APBA1: variants seen among roughly 807,000 people sequenced by gnomAD.
APBA1 encodes amyloid-beta A4 precursor protein-binding family A member 1.
In APBA1, 55 loss-of-function variants were observed where a neutral mutation model predicts 86.6. The ratio of observed to expected loss-of-function variants is 0.64; its 90% CI spans 0.51 to 0.80. The LOEUF (loss-of-function observed/expected upper bound fraction) is 0.80, where lower values mean the gene tolerates loss of function less well. APBA1 is among the 30% of genes least tolerant of loss of function. The pLI, the probability that APBA1 is intolerant of heterozygous loss-of-function variation, is 0.00. For missense variants in APBA1, 1,090 were observed against 1,183.0 expected (o/e 0.92, Z 1.15); for synonymous variants, 511 against 493.9 (o/e 1.03, Z -0.46).
chr9:69,557,505 C>G (rs532684623), intron 1 of APBA1, among the ~76,000 whole-genome samples: 2 of 152,190 alleles, frequency 1.3e-5, no homozygotes, highest in African/African-American at 2.4e-5. Flanking sequence ...TCACCCGCTC[C>G]CTCCTGCTGC....
intron 1 of APBA1, among the ~76,000 whole-genome samples, chr9:69,554,131 A>T (rs1245525337): frequency 1.3e-5 from 2 of 152,212 alleles, no homozygotes; most frequent in African/African-American, 4.8e-5. Context: ...CAACATATTC[A>T]AATACCTACT....
chr9:69,475,715 G>A (rs149305300), intron 3 of APBA1, among the ~76,000 whole-genome samples: 2 of 152,372 alleles, frequency 1.3e-5, no homozygotes, highest in East Asian at 3.8e-4. Context: ...CGAGTTTTTG[G>A]TGTCTGAGGT....
intron 1 of APBA1, 81 bp from the exon 2 acceptor site, chr9:69,517,360 A>G (rs1836184945): frequency 7.8e-7 from 1 of 1,276,788 alleles, no homozygotes; most frequent in African/African-American, 1.6e-5. Context: ...CCATAAAAAC[A>G]ACTGCTATTG....
At chr9:69,565,573 G>A (rs369077929) in intron 1 of APBA1, among the ~76,000 whole-genome samples, 5 of 151,972 alleles carry the variant, frequency 3.3e-5, no homozygotes, top group Admixed American at 6.5e-5. Context: ...TACTCCCATC[G>A]CATTTCTCTT....
chr9:69,632,044 T>A (rs1823057585), intron 1 of APBA1, among the ~76,000 whole-genome samples: 1 of 148,636 alleles, frequency 6.7e-6, no homozygotes, highest in African/African-American at 2.5e-5. Context: ...ACTTAAAGTA[T>A]AATAAAAAAT....
intron 1 of APBA1, among the ~76,000 whole-genome samples, chr9:69,640,907 AGGAGAGG>A (rs545382678): frequency 7.0e-4 from 105 of 149,694 alleles, no homozygotes; most frequent in South Asian, 1.6e-3. Flanking sequence ...ATAAGGAAAG[AGGAGAGG>A]GGAGAGGGGA....
chr9:69,627,487 A>G (rs1377255447), intron 1 of APBA1, among the ~76,000 whole-genome samples: 1 of 151,914 alleles, frequency 6.6e-6, no homozygotes, highest in Non-Finnish European at 1.5e-5. Context: ...GTTCATCTGG[A>G]CCAGTTCCCA....
Position 69,516,389 on chromosome 9 carries a change from C to T in APBA1, c.822G>A (p.Val274=). The part of the protein sequence containing the change: ...YEQEEDIDQI[V]AEVKQSMSSQ... ...AGCTCATGCTCTGCTTCACCTCGGC[C>T]ACTATCTGGTCGATGTCCTCCTCCT... is the stretch of plus-strand genomic sequence containing the variant. The change falls in exon 2 of 13, where the codon GTG becomes GTA. Residue 274 remains valine, a synonymous_variant. Transcript: ENST00000265381. The surrounding 1 kb of genome is among the most constrained non-coding windows in gnomAD (Gnocchi z 7.3). The T allele has an allele frequency of 1.2e-6, 2 of 1,603,752 alleles. No homozygotes were observed. Among genetic ancestry groups the T allele is most frequent in the Non-Finnish European group, 1.7e-6 (2 of 1,178,636 alleles).
chr9:69,672,349 T>C lies in APBA1; in HGVS notation c.-266A>G, dbSNP rs1054976168. Reference sequence around the variant, plus strand: ...CGCCCAGCTCCGGCTCCGCAGCCGCTGCTCGGACCCCTCCGGTCTCGCGGC... The same window carrying C: ...CGCCCAGCTCCGGCTCCGCAGCCGCCGCTCGGACCCCTCCGGTCTCGCGGC... On this transcript the variant is annotated 5_prime_UTR_variant, in exon 1 of 13. Coordinates refer to ENST00000265381, the MANE Select transcript of APBA1 (RefSeq NM_001163.4). 13 of 160,030 alleles carry C rather than the reference T, an allele frequency of 8.1e-5. No individual in the cohort carries two copies. The highest frequency in any genetic ancestry group is 1.6e-4 in the Non-Finnish European group (12 of 74,068). 9.9% of individuals were successfully genotyped at this position (160,030 alleles called of 1,614,324 possible).
intron 1 of APBA1, among the ~76,000 whole-genome samples, chr9:69,562,708 T>C (rs1836965672): frequency 6.6e-6 from 1 of 152,130 alleles, no homozygotes; most frequent in Non-Finnish European, 1.5e-5. Context: ...TTTTAAAGGT[T>C]AATTTAAGGA....
intron 3 of APBA1, among the ~76,000 whole-genome samples, chr9:69,475,764 T>C (rs572640050): frequency 6.6e-6 from 1 of 152,360 alleles, no homozygotes; most frequent in South Asian, 2.1e-4. Flanking sequence ...GTGATGCAAA[T>C]GCTCTGTAAT....
intron 1 of APBA1, among the ~76,000 whole-genome samples, chr9:69,553,505 A>G (rs894137363): frequency 6.6e-6 from 1 of 152,224 alleles, no homozygotes; most frequent in African/African-American, 2.4e-5. Flanking sequence ...TTAACTCAAT[A>G]TAATGATTTA....
chr9:69,599,655 C>T (rs1822307187), intron 1 of APBA1, among the ~76,000 whole-genome samples: 1 of 152,086 alleles, frequency 6.6e-6, no homozygotes, highest in African/African-American at 2.4e-5. Flanking sequence ...AAAGTGTGGC[C>T]CCTGGACCAG....
chr9:69,491,807 G>A (rs1022347420), intron 2 of APBA1, among the ~76,000 whole-genome samples: 20 of 147,228 alleles, frequency 1.4e-4, no homozygotes, highest in Non-Finnish European at 2.7e-4. Flanking sequence ...CTTTGTTGCC[G>A]AGGCTGGAGT....
chr9:69,672,285 TGCCGCCGCCGCC>T lies in APBA1; in HGVS notation c.-214_-203del, dbSNP rs974883155. ...CGCCACCATCTTCTCCCGCCGCAGCTGCCGCCGCCGCCGCCGCCGCCGGGACCGCAGCCGCCC... is the reference window on the plus strand; with the variant it reads ...CGCCACCATCTTCTCCCGCCGCAGCTGCCGCCGCCGGGACCGCAGCCGCCC... On this transcript the variant is annotated 5_prime_UTR_variant, in exon 1 of 13. Coordinates refer to ENST00000265381, the MANE Select transcript of APBA1 (RefSeq NM_001163.4). The T allele has an allele frequency of 1.7e-5, 3 of 175,496 alleles. No homozygotes were observed. In the South Asian group the frequency reaches 4.2e-4, roughly 25 times the overall value. The allele number at this position is 175,496 out of a possible 1,614,324, so 10.9% of individuals were successfully genotyped here. A position where few individuals can be genotyped will look rare whatever the true frequency, so the allele number is the denominator to read the frequency against.
chr9:69,533,335 G>A (rs1039256557), intron 1 of APBA1, among the ~76,000 whole-genome samples: 1 of 152,158 alleles, frequency 6.6e-6, no homozygotes, highest in Admixed American at 6.5e-5. Flanking sequence ...TGTACATTAC[G>A]ATGTTTGAAC....
At chr9:69,497,168 C>T (rs1283645748) in intron 2 of APBA1, among the ~76,000 whole-genome samples, 1 of 152,008 alleles carries the variant, frequency 6.6e-6, no homozygotes, top group Non-Finnish European at 1.5e-5. Context: ...TAATTATTCA[C>T]CACCATCTTC....
At position 69,658,282 on chromosome 9, in the gene APBA1, T is replaced by TCTCTTTCTC. The variant is rs1823665826; in HGVS notation, c.-70+13870_-70+13871insGAGAAAGAG. ...TTTCTTTCTTTCTTTCTTTCTTTCTTTCTCTCTCTCTTTCTCTCTCTCTCT... is the reference window on the plus strand; with the variant it reads ...TTTCTTTCTTTCTTTCTTTCTTTCTTCTCTTTCTCTCTCTCTCTCTTTCTCTCTCTCTCT... On this transcript the variant is annotated intron_variant, in intron 1 of 12. Transcript: ENST00000265381. Among the ~76,000 whole-genome samples, 23 of 39,832 alleles carry TCTCTTTCTC rather than the reference T, an allele frequency of 5.8e-4. 1 individual carries two copies. The highest frequency in any genetic ancestry group is 1.3e-3 in the Admixed American group (4 of 2,998). 26.1% of individuals were successfully genotyped at this position (39,832 alleles called of 152,430 possible). A position where few individuals can be genotyped will look rare whatever the true frequency, so the allele number is the denominator to read the frequency against.
At chr9:69,512,097 A>AAAT (rs1200761084) in intron 2 of APBA1, among the ~76,000 whole-genome samples, 3 of 146,558 alleles carry the variant, frequency 2.0e-5, no homozygotes, top group Admixed American at 6.9e-5. Context: ...AATAAATAAA[A>AAAT]AGAAAAAAAG....
Sources: allele counts gnomAD v4.1 joint callset (sites outside exome capture counted in the v4.1 genomes callset), GRCh38; gene constraint gnomAD v4.1.1; non-coding constraint Gnocchi (gnomAD v3.1); transcripts MANE v1.5; gene names NCBI Gene and HGNC (gene_info 2026-07-23, HGNC 2026-07-21).